ADAMTSL1: variants seen among roughly 807,000 people sequenced by gnomAD.
The protein encoded by ADAMTSL1 is ADAMTS-like protein 1.
A neutral mutation model predicts 201.8 loss-of-function variants in ADAMTSL1; 126 were observed. The observed-to-expected ratio is 0.62, with a 90% CI of 0.54 to 0.72. The LOEUF is 0.72. Ranked by LOEUF, ADAMTSL1 falls within the 30% of genes least tolerant of loss-of-function variation. The pLI, the probability that ADAMTSL1 is intolerant of heterozygous loss-of-function variation, is 0.00. For missense variants in ADAMTSL1, 2,679 were observed against 2,277.8 expected (o/e 1.18, Z -3.59); for synonymous variants, 1,121 against 903.4 (o/e 1.24, Z -4.32).
chr9:18,416,887 G>GAAGACTTGAACAACAC (rs1304175369), intron 2 of ADAMTSL1, among the ~76,000 whole-genome samples: 1 of 152,008 alleles, frequency 6.6e-6, no homozygotes, highest in Non-Finnish European at 1.5e-5. Flanking sequence ...TCAAGGTATA[G>GAAGACTTGAACAACAC]AAGACTTGAA....
intron 15 of ADAMTSL1, among the ~76,000 whole-genome samples, chr9:18,732,802 T>C (rs1818290938): frequency 6.6e-6 from 1 of 152,214 alleles, no homozygotes; most frequent in African/African-American, 2.4e-5. Context: ...CCCATATCCT[T>C]GCTGACCTTC....
intron 2 of ADAMTSL1, among the ~76,000 whole-genome samples, chr9:18,468,144 C>T (rs995108216): frequency 1.3e-5 from 2 of 152,174 alleles, no homozygotes; most frequent in African/African-American, 2.4e-5. Context: ...TTGTGCATTG[C>T]ATACAGTAGG....
At chr9:18,027,255 C>G (rs1029844660) in intron 1 of ADAMTSL1, among the ~76,000 whole-genome samples, 1 of 151,626 alleles carries the variant, frequency 6.6e-6, no homozygotes, top group Admixed American at 6.6e-5. Context: ...CTTCTGCTAG[C>G]TTGGGGGTTG....
intron 2 of ADAMTSL1, among the ~76,000 whole-genome samples, chr9:18,254,610 G>T (rs1365130443): frequency 6.6e-6 from 1 of 151,362 alleles, no homozygotes; most frequent in South Asian, 2.1e-4. Context: ...TGATCCGCCC[G>T]CCTCGGCCTC....
intron 2 of ADAMTSL1, among the ~76,000 whole-genome samples, chr9:18,517,603 A>G (rs1054317545): frequency 6.8e-5 from 9 of 131,500 alleles, no homozygotes; most frequent in Admixed American, 1.8e-4. Flanking sequence ...AGCGTGTGAT[A>G]TTCCCCTTCC....
intron 2 of ADAMTSL1, among the ~76,000 whole-genome samples, chr9:18,211,679 T>C (rs1316651431): frequency 6.6e-6 from 1 of 152,182 alleles, no homozygotes; most frequent in African/African-American, 2.4e-5. Flanking sequence ...AAAATCCTTC[T>C]TTTATTTTAG....
At chr9:18,621,143 G>T (rs1826012797) in intron 4 of ADAMTSL1, among the ~76,000 whole-genome samples, 1 of 152,154 alleles carries the variant, frequency 6.6e-6, no homozygotes, top group Admixed American at 6.6e-5. Flanking sequence ...GAGAGTAATT[G>T]AAATAGTTTG....
At chr9:18,830,023 C>G (rs1233645062) in intron 23 of ADAMTSL1, 46 bp downstream of exon 23, 1 of 1,563,792 alleles carries the variant, frequency 6.4e-7, no homozygotes, top group South Asian at 1.2e-5. Context: ...CAGGACTGGA[C>G]AGGATTTATG....
chr9:18,723,268 A>G, intron 15 of ADAMTSL1: 1 of 601,246 alleles, frequency 1.7e-6, no homozygotes, highest in Non-Finnish European at 3.0e-6. Flanking sequence ...GCTGTGTGCT[A>G]ATCATTCCTG....
intron 28 of ADAMTSL1, chr9:18,908,042 G>C (rs1455811677): frequency 3.9e-6 from 1 of 255,376 alleles, no homozygotes; most frequent in Non-Finnish European, 7.7e-6. Context: ...ATCTTGAGGA[G>C]GAGAGTCATT....
chr9:18,889,781 C>T (rs1354812571), intron 25 of ADAMTSL1, 33 bp downstream of exon 25: 4 of 1,429,788 alleles, frequency 2.8e-6, no homozygotes, highest in Admixed American at 2.7e-5. Flanking sequence ...CAGACCTCCC[C>T]ACCCTAGGAG....
chr9:18,560,041 T>C lies in ADAMTSL1; in HGVS notation c.238-13989T>C, dbSNP rs371191273. ...ATTGCCCGGGCCAGAACTTCCAATA[T>C]TATGTTGAATAGGAGTGGTGAGAGA... is the stretch of plus-strand genomic sequence containing the variant. On this transcript the variant is annotated intron_variant, in intron 3 of 28. Transcript: ENST00000380548. 2.6e-4 allele frequency among the ~76,000 whole-genome samples: 40 copies of C among 152,210 alleles called. No homozygotes were observed. The South Asian group carries it at 8.1e-3, about 31-fold the overall frequency.
intron 7 of ADAMTSL1, among the ~76,000 whole-genome samples, chr9:18,657,081 G>A (rs1400625637): frequency 6.6e-6 from 1 of 152,118 alleles, no homozygotes; most frequent in Non-Finnish European, 1.5e-5. Flanking sequence ...TACCTAGTTC[G>A]CTGGGCATGG....
chr9:18,099,999 T>G (rs1824446680), intron 1 of ADAMTSL1, among the ~76,000 whole-genome samples: 1 of 152,182 alleles, frequency 6.6e-6, no homozygotes, highest in African/African-American at 2.4e-5. Flanking sequence ...TTATTTCTGA[T>G]ATAATTATTC....
chr9:18,616,301 A>C (rs1408556023), intron 4 of ADAMTSL1, among the ~76,000 whole-genome samples: 1 of 152,220 alleles, frequency 6.6e-6, no homozygotes, highest in Non-Finnish European at 1.5e-5. Context: ...TTGGGATTAC[A>C]GGCATAAGCC....
At chr9:18,819,286 T>C (rs1203156565) in intron 21 of ADAMTSL1, among the ~76,000 whole-genome samples, 1 of 151,992 alleles carries the variant, frequency 6.6e-6, no homozygotes, top group Non-Finnish European at 1.5e-5. Flanking sequence ...TGAAACCCTA[T>C]CTCTACTAAA....
intron 1 of ADAMTSL1, among the ~76,000 whole-genome samples, chr9:17,919,488 C>G (rs137861064): frequency 6.6e-6 from 1 of 152,104 alleles, no homozygotes; most frequent in African/African-American, 2.4e-5. Flanking sequence ...TTACTTCCCT[C>G]CCACCCTAGC....
chr9:18,721,468 T>C lies in ADAMTSL1; in HGVS notation c.1877-68T>C, dbSNP rs1281719185. The C allele has an allele frequency of 1.7e-5, 27 of 1,582,934 alleles. No homozygotes were observed. In the Admixed American group the frequency reaches 4.2e-4, roughly 24 times the overall value. ...GGGACCTCCCACCAGCTGCCTTGTC[T>C]ACACTTCATCACCCCCCACACACAC... On this transcript the variant is annotated intron_variant, in intron 14 of 28. Coordinates refer to ENST00000380548, the MANE Select transcript of ADAMTSL1 (RefSeq NM_001040272.6).
At chr9:18,721,711 A>G (rs368601999) in intron 15 of ADAMTSL1, 46 bp downstream of exon 15, 6 of 1,591,776 alleles carry the variant, frequency 3.8e-6, no homozygotes, top group Non-Finnish European at 5.1e-6. Context: ...CACGTACAGA[A>G]CTGGGCGCAT....
Sources: allele counts gnomAD v4.1 joint callset (sites outside exome capture counted in the v4.1 genomes callset), GRCh38; gene constraint gnomAD v4.1.1; transcripts MANE v1.5; gene names NCBI Gene and HGNC (gene_info 2026-07-23, HGNC 2026-07-21).